Variants in TSG101 observed in about 807,000 individuals in gnomAD.
TSG101 encodes tumor susceptibility gene 101 protein.
In TSG101, 19 loss-of-function variants were observed where a neutral mutation model predicts 48.5. That is an observed-to-expected ratio of 0.39 (90% confidence interval 0.27 to 0.58). The LOEUF is 0.58. TSG101 is among the 20% of genes least tolerant of loss of function. The pLI is 0.55. For missense variants in TSG101, 365 were observed against 484.4 expected (o/e 0.75, Z 2.31); for synonymous variants, 174 against 169.4 (o/e 1.03, Z -0.21).
intron 1 of TSG101, among the ~76,000 whole-genome samples, chr11:18,524,828 A>C (rs1265440279): frequency 1.3e-5 from 2 of 152,186 alleles, no homozygotes. Flanking sequence ...GAAGCTTAGG[A>C]AACTTAATTA....
At chr11:18,501,505 G>A (rs1197027362) in intron 7 of TSG101, among the ~76,000 whole-genome samples, 1 of 152,108 alleles carries the variant, frequency 6.6e-6, no homozygotes, top group Admixed American at 6.5e-5. Flanking sequence ...TGCTGTTTCG[G>A]TTACTATAAC....
chr11:18,525,632 T>TCC, intron 1 of TSG101: 1 of 966,184 alleles, frequency 1.0e-6, no homozygotes, highest in East Asian at 1.2e-4. Flanking sequence ...CAAAAAGTGA[T>TCC]ATATAAAAGT....
At chr11:18,508,085 C>T (rs1339546123) in intron 5 of TSG101, among the ~76,000 whole-genome samples, 1 of 135,614 alleles carries the variant, frequency 7.4e-6, no homozygotes, top group African/African-American at 2.8e-5. Context: ...CAGAGCGAGA[C>T]TCTGTCTCAA....
At chr11:18,516,872 C>T (rs1375380669) in intron 2 of TSG101, among the ~76,000 whole-genome samples, 1 of 151,820 alleles carries the variant, frequency 6.6e-6, no homozygotes, top group Non-Finnish European at 1.5e-5. Flanking sequence ...ACCCAGGAGG[C>T]AGAGGTTGCA....
chr11:18,503,235 T>A (rs1849916447), intron 6 of TSG101, among the ~76,000 whole-genome samples: 1 of 152,146 alleles, frequency 6.6e-6, no homozygotes, highest in South Asian at 2.1e-4. Context: ...ACATTAAACA[T>A]CATTTCAATA....
chr11:18,501,678 A>G (rs1849892208), intron 7 of TSG101, among the ~76,000 whole-genome samples: 1 of 152,216 alleles, frequency 6.6e-6, no homozygotes, highest in African/African-American at 2.4e-5. Context: ...CACAGACTGC[A>G]CTGAATCTAC....
chr11:18,490,401 C>T, intron 7 of TSG101: 1 of 590,374 alleles, frequency 1.7e-6, no homozygotes. Flanking sequence ...TGCCAGGCTG[C>T]AGGCCTTTTC....
intron 2 of TSG101, among the ~76,000 whole-genome samples, chr11:18,517,587 A>G (rs1371195518): frequency 6.6e-6 from 1 of 152,228 alleles, no homozygotes; most frequent in Non-Finnish European, 1.5e-5. Context: ...TTTTTACTGT[A>G]ACTTTTCTAC....
intron 4 of TSG101, among the ~76,000 whole-genome samples, chr11:18,511,651 T>A (rs1850084469): frequency 6.6e-6 from 1 of 152,226 alleles, no homozygotes; most frequent in South Asian, 2.1e-4. Flanking sequence ...ATAATTCACA[T>A]CCCATAAACT....
intron 1 of TSG101, among the ~76,000 whole-genome samples, chr11:18,525,884 T>C (rs1474672002): frequency 1.3e-5 from 2 of 152,240 alleles, no homozygotes; most frequent in Non-Finnish European, 2.9e-5. Context: ...TTACACATAA[T>C]AGTGTGTTTT....
chr11:18,525,349 A>G (rs1471555476), intron 1 of TSG101, among the ~76,000 whole-genome samples: 5 of 152,068 alleles, frequency 3.3e-5, no homozygotes. Context: ...GTTTAAGACC[A>G]GCCTGGCCAA....
At chr11:18,526,653 A>T in intron 1 of TSG101, 122 bp downstream of exon 1, 1 of 1,213,526 alleles carries the variant, frequency 8.2e-7, no homozygotes, top group Non-Finnish European at 1.1e-6. Flanking sequence ...GAGGTCGCTA[A>T]GGACTGCACC....
intron 7 of TSG101, chr11:18,490,475 A>C (rs1383481144): frequency 1.2e-5 from 6 of 512,792 alleles, no homozygotes; most frequent in Non-Finnish European, 1.9e-5. Context: ...GTCAAACTGG[A>C]TGTGTAGGCT....
chr11:18,508,993 A>G (rs1217675754), intron 5 of TSG101, among the ~76,000 whole-genome samples: 2 of 152,210 alleles, frequency 1.3e-5, no homozygotes, highest in Admixed American at 6.5e-5. Context: ...CAGAGATAAT[A>G]TATTCCAATT....
chr11:18,511,777 A>G (rs1393400101), intron 4 of TSG101, among the ~76,000 whole-genome samples: 3 of 152,186 alleles, frequency 2.0e-5, no homozygotes, highest in African/African-American at 4.8e-5. Flanking sequence ...CCCTGTACTC[A>G]TTAGTAGTCA....
At chr11:18,488,254 T>TGAAG in intron 7 of TSG101, among the ~76,000 whole-genome samples, 2 of 152,232 alleles carry the variant, frequency 1.3e-5, no homozygotes, top group Non-Finnish European at 2.9e-5. Context: ...TTTTTTCTTT[T>TGAAG]TTTGGTTTGT....
At position 18,521,359 on chromosome 11, in the gene TSG101, CTTTTTTTTTTTTTTT is replaced by C. The variant is rs917563952; in HGVS notation, c.43-1771_43-1757del. Among the ~76,000 whole-genome samples, 12 of 99,832 alleles carry C rather than the reference CTTTTTTTTTTTTTTT, an allele frequency of 1.2e-4. No individual in the cohort carries two copies. The East Asian group carries it at 3.5e-3, about 29-fold the overall frequency. The allele number at this position is 99,832 out of a possible 152,430, so 65.5% of individuals were successfully genotyped here. ...CAGCAATATTTGACCAAACTGATTC[CTTTTTTTTTTTTTTT>C]TTTTTTTTTTTTGAGATAGGGTCTC... On this transcript the variant is annotated intron_variant, in intron 1 of 9. Transcript: ENST00000251968.
At position 18,481,405 on chromosome 11, in the gene TSG101, A is replaced by G. The variant is rs1849537562; in HGVS notation, c.1083+225T>C. The G allele has an allele frequency of 3.0e-6, 4 of 1,326,030 alleles. No homozygotes were observed. In the South Asian group the frequency reaches 5.7e-5, roughly 19 times the overall value. 82.1% of individuals were successfully genotyped at this position (1,326,030 alleles called of 1,614,324 possible). On this transcript the variant is annotated intron_variant, in intron 9 of 9. Coordinates refer to ENST00000251968, the MANE Select transcript of TSG101 (RefSeq NM_006292.4). ...ACTCATCTTAATGCTGCCTGTGGGCAGAGAACTGCAGCCACCAGCCCACTT... is the reference window on the plus strand; with the variant it reads ...ACTCATCTTAATGCTGCCTGTGGGCGGAGAACTGCAGCCACCAGCCCACTT...
rs187042442 is a variant in TSG101 at position 18,481,579 on chromosome 11, T to C, written c.1083+51A>G. ...CTTGGTTTGTGGTTTGCAAGGTCAGTGCCTCTACAACCCAAGTTAAAAAAT... is the reference window on the plus strand; with the variant it reads ...CTTGGTTTGTGGTTTGCAAGGTCAGCGCCTCTACAACCCAAGTTAAAAAAT... On this transcript the variant is annotated intron_variant, in intron 9 of 9. Transcript: ENST00000251968. The C allele has an allele frequency of 2.5e-6, 4 of 1,582,842 alleles. No individual in the cohort carries two copies. The African/African-American group carries it at 5.4e-5, about 21-fold the overall frequency.
Sources: gnomAD v4.1 joint callset for allele counts (sites outside exome capture counted in the v4.1 genomes callset) on GRCh38, gnomAD v4.1.1 for gene constraint, MANE v1.5 for transcripts, NCBI Gene and HGNC (gene_info 2026-07-23, HGNC 2026-07-21) for gene names.